The following CNMD variants were observed in gnomAD, a reference collection of about 807,000 sequenced individuals.
CNMD encodes leukocyte cell-derived chemotaxin 1.
CNMD carries 30 observed loss-of-function variants against 37.5 expected under a neutral mutation model. The ratio of observed to expected loss-of-function variants is 0.80; its 90% CI spans 0.60 to 1.09. The LOEUF (loss-of-function observed/expected upper bound fraction) is 1.09, where lower values mean the gene tolerates loss of function less well. CNMD is among the 50% of genes least tolerant of loss of function. The pLI, the probability that CNMD is intolerant of heterozygous loss-of-function variation, is 0.00. For synonymous variants in CNMD, 167 were observed against 148.2 expected, an observed-to-expected ratio of 1.13 and a Z score of -0.92; for missense variants, 398 against 423.9, an observed-to-expected ratio of 0.94 and a Z score of 0.54.
At position 52,735,350 on chromosome 13, in the gene CNMD, A is replaced by G. The variant is rs1182603747; in HGVS notation, c.214-1991T>C. On this transcript the variant is annotated intron_variant, in intron 2 of 6. Transcript: ENST00000377962. ...ACACCCATGTGAGTGTCTTCCACTC[A>G]TATGACAAGAGGTTCTGTGTTTTTT... is the stretch of plus-strand genomic sequence containing the variant. 2.9e-5 allele frequency among the ~76,000 whole-genome samples: 4 copies of G among 138,622 alleles called. 1 individual carries two copies. The Admixed American group carries it at 3.0e-4, about 10-fold the overall frequency. The allele number at this position is 138,622 out of a possible 152,430, so 90.9% of individuals were successfully genotyped here. A position where few individuals can be genotyped will look rare whatever the true frequency, so the allele number is the denominator to read the frequency against.
chr13:52,718,435 G>A (rs897849666), intron 4 of CNMD, among the ~76,000 whole-genome samples: 4 of 151,870 alleles, frequency 2.6e-5, no homozygotes, highest in African/African-American at 4.8e-5. Context: ...GTGATGTTAG[G>A]GTGTCAGTTT....
rs751321297 is a variant in CNMD, at chr13:52,703,714, T to A, written c.886A>T (p.Ile296Phe). ...TAATAGCCCCCCAGGGGTTCACAGA[T>A]CTTCTGGCAGTGGGTGTAGCTCCGC... Reference protein sequence around the residue: ...CRRSYTHCQKICEPLGGYYPW... With the variant: ...CRRSYTHCQKFCEPLGGYYPW... The change falls in exon 7 of 7, where the codon ATC becomes TTC. Residue 296 changes from isoleucine to phenylalanine, a missense_variant. Coordinates refer to ENST00000377962, the MANE Select transcript of CNMD (RefSeq NM_007015.3). 1.2e-6 allele frequency: 2 copies of A among 1,613,710 alleles called. No homozygotes were observed. Among genetic ancestry groups the A allele is most frequent in the Non-Finnish European group, 1.7e-6 (2 of 1,179,602 alleles).
chr13:52,715,880 C>G (rs143207382), intron 4 of CNMD, among the ~76,000 whole-genome samples: 1 of 152,148 alleles, frequency 6.6e-6, no homozygotes. Flanking sequence ...GATGGGATTG[C>G]TGGGTCAAAT....
At position 52,708,284 on chromosome 13, in the gene CNMD, C is replaced by T. The variant is rs538849529; in HGVS notation, c.789+252G>A. ...GCAACCTCCATCTCCTGTGTTCAAG[C>T]GATTCTCCTGCCTCAGCCTCCGGAG... On this transcript the variant is annotated intron_variant, in intron 6 of 6. Coordinates refer to ENST00000377962, the MANE Select transcript of CNMD (RefSeq NM_007015.3). 3.4e-4 allele frequency among the ~76,000 whole-genome samples: 51 copies of T among 151,906 alleles called. No homozygotes were observed. In the South Asian group the frequency reaches 6.2e-3, roughly 19 times the overall value.
At chr13:52,721,144 C>T (rs1964475443) in intron 4 of CNMD, among the ~76,000 whole-genome samples, 1 of 152,118 alleles carries the variant, frequency 6.6e-6, no homozygotes, top group Non-Finnish European at 1.5e-5. Context: ...GCTGATGCCC[C>T]TCCCCCCACC....
chr13:52,710,499 C>T (rs1406498942), intron 5 of CNMD, among the ~76,000 whole-genome samples: 8 of 152,200 alleles, frequency 5.3e-5, no homozygotes, highest in Admixed American at 5.2e-4. Flanking sequence ...CCCCGTGTCT[C>T]TGATAATACA....
intron 4 of CNMD, among the ~76,000 whole-genome samples, chr13:52,716,809 T>C (rs1328836206): frequency 2.0e-5 from 3 of 152,184 alleles, no homozygotes; most frequent in African/African-American, 7.2e-5. Flanking sequence ...TCTTTTTGCA[T>C]AGGATTGTCT....
At chr13:52,723,540 C>T (rs1378754260) in intron 4 of CNMD, among the ~76,000 whole-genome samples, 1 of 152,108 alleles carries the variant, frequency 6.6e-6, no homozygotes, top group African/African-American at 2.4e-5. Flanking sequence ...ATCCCTTGAC[C>T]CCAGTAGGAC....
At chr13:52,704,700 T>C (rs1467385158) in intron 6 of CNMD, among the ~76,000 whole-genome samples, 1 of 152,178 alleles carries the variant, frequency 6.6e-6, no homozygotes, top group Non-Finnish European at 1.5e-5. Context: ...TTTCCTAAAG[T>C]TAGCTGATTC....
At chr13:52,714,270 G>A (rs1176441225) in intron 4 of CNMD, among the ~76,000 whole-genome samples, 4 of 152,130 alleles carry the variant, frequency 2.6e-5, no homozygotes. Context: ...TGGCCACCGA[G>A]CCAATGCCTG....
At chr13:52,736,030 G>A (rs1341747120) in intron 2 of CNMD, among the ~76,000 whole-genome samples, 8 of 147,738 alleles carry the variant, frequency 5.4e-5, no homozygotes, top group African/African-American at 7.6e-5. Flanking sequence ...GTCTTGCTCT[G>A]TCGCCCAGGC....
intron 3 of CNMD, among the ~76,000 whole-genome samples, chr13:52,725,073 T>C (rs1409735395): frequency 6.6e-6 from 1 of 152,208 alleles, no homozygotes; most frequent in Non-Finnish European, 1.5e-5. Context: ...ATTCCATCTA[T>C]ATTCACAAGC....
At chr13:52,722,537 C>G (rs1441912107) in intron 4 of CNMD, among the ~76,000 whole-genome samples, 1 of 152,098 alleles carries the variant, frequency 6.6e-6, no homozygotes, top group African/African-American at 2.4e-5. Flanking sequence ...CCCCAGCTTA[C>G]AGATGACAAT....
chr13:52,703,665 C>G lies in CNMD; in HGVS notation c.935G>C (p.Gly312Ala), dbSNP rs762565808. The G allele has an allele frequency of 4.3e-6, 7 of 1,614,016 alleles. No homozygotes were observed. The highest frequency in any genetic ancestry group is 1.7e-5 in the Admixed American group (1 of 60,000). Residue 312 changes from glycine to alanine, a missense_variant, in exon 7 of 7, where the codon GGC becomes GCC. By Grantham distance (60) the Gly-to-Ala change is moderately conservative (BLOSUM62 0). Transcript: ENST00000377962. ...GATGACTCTGCAGGCCGAACGGCAGCCTTGATAATTATAAGGCCATGGGTA... is the reference window on the plus strand; with the variant it reads ...GATGACTCTGCAGGCCGAACGGCAGGCTTGATAATTATAAGGCCATGGGTA... ...GYYPWPYNYQ[G>A]CRSACRVIMP...
chr13:52,735,794 G>A (rs571702526), intron 2 of CNMD, among the ~76,000 whole-genome samples: 19 of 150,704 alleles, frequency 1.3e-4, no homozygotes, highest in Admixed American at 9.9e-4. Context: ...CAAGCTTGAC[G>A]TAGGGCATCT....
chr13:52,739,462 C>A lies in CNMD; in HGVS notation c.72+168G>T. 1 of 707,876 alleles carries A rather than the reference C, an allele frequency of 1.4e-6. No homozygotes were observed. The highest frequency in any genetic ancestry group is 2.4e-6 in the Non-Finnish European group (1 of 410,610). The allele number at this position is 707,876 out of a possible 1,614,324, so 43.8% of individuals were successfully genotyped here. On this transcript the variant is annotated intron_variant, in intron 1 of 6. Coordinates refer to ENST00000377962, the MANE Select transcript of CNMD (RefSeq NM_007015.3). This position sits in a 1 kb window ranked among gnomAD's most constrained non-coding sequence, Gnocchi z 5.4. ...CGCACCCGCCTGTGGATGCCGTGAC[C>A]CCTGCACACTCATACGCGTGGGGCG... is the stretch of plus-strand genomic sequence containing the variant.
In CNMD at chr13:52,733,023, C is replaced by CT; in HGVS notation, c.354+195dup. The CT allele has an allele frequency of 5.1e-6, 3 of 593,004 alleles. No individual in the cohort carries two copies. The East Asian group carries it at 8.5e-5, about 17-fold the overall frequency. 36.7% of individuals were successfully genotyped at this position (593,004 alleles called of 1,614,324 possible). On this transcript the variant is annotated intron_variant, in intron 3 of 6. Transcript: ENST00000377962. ...TTTACAACTGAAGTGTTGTTTTTTT[C>CT]TTTTGCAAATATGAAGGACAAAGTC...
At chr13:52,718,921 C>T (rs191416865) in intron 4 of CNMD, among the ~76,000 whole-genome samples, 338 of 151,076 alleles carry the variant, frequency 2.2e-3, no homozygotes, top group African/African-American at 6.0e-3. Flanking sequence ...ATATTGAAAG[C>T]GGGGTGTTAA....
At chr13:52,736,160 AT>A (rs1293247460) in intron 2 of CNMD, among the ~76,000 whole-genome samples, 4 of 151,972 alleles carry the variant, frequency 2.6e-5, no homozygotes, top group Admixed American at 6.6e-5. Context: ...GGCCCAGCTA[AT>A]TTTTTTGTAT....
Sources: gnomAD v4.1 joint callset for allele counts (sites outside exome capture counted in the v4.1 genomes callset) on GRCh38, gnomAD v4.1.1 for gene constraint, Gnocchi (gnomAD v3.1) non-coding constraint, MANE v1.5 for transcripts, NCBI Gene and HGNC (gene_info 2026-07-23, HGNC 2026-07-21) for gene names.